Variants in TAS1R1 observed in about 807,000 individuals in gnomAD.
TAS1R1 encodes taste 1 receptor member 1.
Under a neutral mutation model 45.8 loss-of-function variants are expected in TAS1R1, and 31 were observed. That is an observed-to-expected ratio of 0.68 (90% confidence interval 0.51 to 0.91). TAS1R1 has a LOEUF of 0.91. Among genes scored for constraint, TAS1R1 ranks in the 40% least tolerant of loss-of-function variants. TAS1R1 has a pLI of 0.00. For missense variants in TAS1R1, 1,051 were observed against 1,063.9 expected, an observed-to-expected ratio of 0.99 and a Z score of 0.17; for synonymous variants, 437 against 448.4, an observed-to-expected ratio of 0.97 and a Z score of 0.32.
At chr1:6,569,382 C>G (rs1639950981) in intron 1 of TAS1R1, among the ~76,000 whole-genome samples, 1 of 152,072 alleles carries the variant, frequency 6.6e-6, no homozygotes, top group Non-Finnish European at 1.5e-5. Flanking sequence ...GGACCACTTC[C>G]CATTGCAGTG....
chr1:6,563,967 C>G (rs1231793504), intron 1 of TAS1R1, among the ~76,000 whole-genome samples: 1 of 151,970 alleles, frequency 6.6e-6, no homozygotes, highest in Non-Finnish European at 1.5e-5. Flanking sequence ...TGAGAGAAAT[C>G]AGGAATGTAC....
At chr1:6,555,685 T>C in intron 1 of TAS1R1, 121 bp downstream of exon 1, 1 of 931,752 alleles carries the variant, frequency 1.1e-6, no homozygotes, top group Non-Finnish European at 1.6e-6. Context: ...CCCCAGGCCT[T>C]GTTCATCAAT....
chr1:6,556,108 T>C (rs1175038953), intron 1 of TAS1R1, among the ~76,000 whole-genome samples: 1 of 152,094 alleles, frequency 6.6e-6, no homozygotes, highest in Non-Finnish European at 1.5e-5. Context: ...CCTGACCTCG[T>C]GATCTGCCCA....
intron 5 of TAS1R1, among the ~76,000 whole-genome samples, chr1:6,577,769 A>G (rs4256837): frequency 0.98 from 148,235 of 151,818 alleles, 72,461 homozygotes; most frequent in Non-Finnish European, 1. Context: ...CGGAGGTTGC[A>G]GTGAGCCAAG....
rs557950315 is a variant in TAS1R1, at chr1:6,573,253, T to G, written c.499-1378T>G. On this transcript the variant is annotated intron_variant, in intron 2 of 5. Transcript: ENST00000333172. ...GTGGGCAGCTCATGAGGTCAGGAGT[T>G]GGAAACCAGCCTGGCCAACGTGGTG... 2.3e-4 allele frequency among the ~76,000 whole-genome samples: 35 copies of G among 152,264 alleles called. 1 individual carries two copies. The South Asian group carries it at 7.0e-3, about 31-fold the overall frequency.
intron 1 of TAS1R1, among the ~76,000 whole-genome samples, chr1:6,561,698 G>A (rs1639791344): frequency 7.0e-6 from 1 of 142,218 alleles, no homozygotes. Context: ...TTGGGCAACA[G>A]AACGAGTTTC....
intron 1 of TAS1R1, among the ~76,000 whole-genome samples, chr1:6,563,444 CAG>C (rs143210047): frequency 6.6e-6 from 1 of 152,312 alleles, no homozygotes; most frequent in East Asian, 1.9e-4. Context: ...TGCGCCGTGT[CAG>C]AGTGTTTTCT....
intron 1 of TAS1R1, among the ~76,000 whole-genome samples, chr1:6,560,986 C>CAG (rs1639777150): frequency 1.1e-5 from 1 of 92,980 alleles, no homozygotes; most frequent in Admixed American, 1.3e-4. Flanking sequence ...GACTCTGTCT[C>CAG]AAAAAAAAAA....
chr1:6,555,825 C>G (rs1317613106), intron 1 of TAS1R1, among the ~76,000 whole-genome samples: 1 of 149,144 alleles, frequency 6.7e-6, no homozygotes, highest in Non-Finnish European at 1.5e-5. Context: ...TGTACCATAC[C>G]TAGGTGGCCA....
chr1:6,575,163 C>G lies in TAS1R1; in HGVS notation c.1031C>G (p.Ala344Gly). 1 of 1,594,706 alleles carries G rather than the reference C, an allele frequency of 6.3e-7. No homozygotes were observed. The highest frequency in any genetic ancestry group is 8.5e-7 in the Non-Finnish European group (1 of 1,171,990). The change falls in exon 3 of 6, where the codon GCA becomes GGA. Residue 344 changes from alanine (A) to glycine (G), a missense_variant. By Grantham distance (60) the Ala-to-Gly change is moderately conservative. Coordinates refer to ENST00000333172, the MANE Select transcript of TAS1R1 (RefSeq NM_138697.4). ...LKAFEEAYAR[A>G]DKKAPRPCHK... ...GCGTTTGAAGAAGCCTATGCCCGGG[C>G]AGACAAGAAGGCCCCTAGGCCTTGC... is the stretch of plus-strand genomic sequence containing the variant.
chr1:6,576,519 C>A lies in TAS1R1; in HGVS notation c.1365C>A (p.Asp455Glu). The change falls in exon 4 of 6, where the codon GAC becomes GAA. Residue 455 changes from aspartate to glutamate, a missense_variant. Coordinates refer to ENST00000333172, the MANE Select transcript of TAS1R1 (RefSeq NM_138697.4). ...GTAGCTATAACATAATTGCCTGGGA[C>A]TGGAATGGACCCAAGTGGACCTTCA... ...PLSSYNIIAW[D>E]WNGPKWTFTV... The A allele has an allele frequency of 6.2e-7, 1 of 1,614,256 alleles. No homozygotes were observed. The highest frequency in any genetic ancestry group is 8.5e-7 in the Non-Finnish European group (1 of 1,180,050).
At chr1:6,558,054 G>GT (rs1639717655) in intron 1 of TAS1R1, among the ~76,000 whole-genome samples, 3 of 47,362 alleles carry the variant, frequency 6.3e-5, no homozygotes, top group Admixed American at 5.7e-4. Flanking sequence ...TTTTGTTTTT[G>GT]TTTTTTTTCT....
chr1:6,578,430 G>A (rs1185685126), intron 5 of TAS1R1, among the ~76,000 whole-genome samples: 2 of 152,124 alleles, frequency 1.3e-5, no homozygotes, highest in Non-Finnish European at 2.9e-5. Context: ...ATGGGATCAT[G>A]AGCCATACAG....
At chr1:6,573,419 C>T (rs535875706) in intron 2 of TAS1R1, among the ~76,000 whole-genome samples, 11 of 151,958 alleles carry the variant, frequency 7.2e-5, no homozygotes, top group South Asian at 2.1e-4. Context: ...ATCACGCCAC[C>T]GCACTCCATC....
intron 1 of TAS1R1, among the ~76,000 whole-genome samples, chr1:6,569,284 G>A (rs570563080): frequency 7.9e-5 from 12 of 152,238 alleles, no homozygotes; most frequent in East Asian, 5.8e-4. Context: ...GGTTTGGAGC[G>A]GGCAAGGAGG....
Position 6,579,400 on chromosome 1 carries a change from G to T in TAS1R1, c.2342G>T (p.Ser781Ile), listed in dbSNP as rs370134113. 260 of 1,613,796 alleles carry T rather than the reference G, an allele frequency of 1.6e-4. No individual in the cohort carries two copies. The highest frequency in any genetic ancestry group is 2.1e-4 in the Non-Finnish European group (251 of 1,180,062). ...VSWIAFFTTA[S>I]VYDGKYLPAA... ...TGGATCGCCTTCTTCACCACGGCCA[G>T]CGTCTACGACGGCAAGTACCTGCCT... The change falls in exon 6 of 6, where the codon AGC becomes ATC. Residue 781 changes from serine to isoleucine, a missense_variant. Coordinates refer to ENST00000333172, the MANE Select transcript of TAS1R1 (RefSeq NM_138697.4).
At position 6,571,072 on chromosome 1, in the gene TAS1R1, C is replaced by G; in HGVS notation, c.355C>G (p.Leu119Val). Residue 119 changes from leucine (L) to valine (V), a missense_variant, in exon 2 of 6, where the codon CTC (leucine) becomes GTC (valine). Leu to Val is a conservative substitution (Grantham distance 32). Coordinates refer to ENST00000333172, the MANE Select transcript of TAS1R1 (RefSeq NM_138697.4). Reference sequence around the variant, plus strand: ...CAATGTGTATGCCACGCTGAGAGTGCTCTCCCTGCCAGGGCAACACCACAT... The same window carrying G: ...CAATGTGTATGCCACGCTGAGAGTGGTCTCCCTGCCAGGGCAACACCACAT... Reference protein sequence around the residue: ...SANVYATLRVLSLPGQHHIEL... With the variant: ...SANVYATLRVVSLPGQHHIEL... 1 of 1,614,160 alleles carries G rather than the reference C, an allele frequency of 6.2e-7. No individual in the cohort carries two copies. Among genetic ancestry groups the G allele is most frequent in the Non-Finnish European group, 8.5e-7 (1 of 1,180,012 alleles).
At chr1:6,570,761 T>G in intron 1 of TAS1R1, 148 bp from the exon 2 acceptor site, 9 of 632,522 alleles carry the variant, frequency 1.4e-5, no homozygotes, top group East Asian at 2.8e-5. Flanking sequence ...CTACTGAGCT[T>G]GAGAGCCCTT....
rs1392048031 is a variant in TAS1R1 at position 6,555,362 on chromosome 1, C to T, written c.-12C>T. ...ACTCCTTGGCCATGCCAGGCGCGGG[C>T]ATCTGGCCAGCATGCTGCTCTGCAC... is the stretch of plus-strand genomic sequence containing the variant. On this transcript the variant is annotated 5_prime_UTR_variant, in exon 1 of 6. Transcript: ENST00000333172. The T allele has an allele frequency of 1.1e-5, 17 of 1,570,572 alleles. No individual in the cohort carries two copies. The highest frequency in any genetic ancestry group is 1.8e-4 in the Middle Eastern group (1 of 5,550).
Sources: gnomAD v4.1 joint callset for allele counts (sites outside exome capture counted in the v4.1 genomes callset) on GRCh38, gnomAD v4.1.1 for gene constraint, MANE v1.5 for transcripts, NCBI Gene and HGNC (gene_info 2026-07-23, HGNC 2026-07-21) for gene names.